The following USH2A variants were observed in gnomAD, a reference collection of about 807,000 sequenced individuals.
The protein encoded by USH2A is usherin, also known as Usher syndrome 2A (autosomal recessive, mild).
A neutral mutation model predicts 538.9 loss-of-function variants in USH2A; 443 were observed. That is an observed-to-expected ratio of 0.82 (90% confidence interval 0.76 to 0.89). The LOEUF (loss-of-function observed/expected upper bound fraction) is 0.89. Ranked by LOEUF, USH2A falls within the 40% of genes least tolerant of loss-of-function variation. The pLI is 0.00. For synonymous variants in USH2A, 2,413 were observed against 2,273.5 expected (o/e 1.06, Z -1.75); for missense variants, 6,633 against 6,324.8 (o/e 1.05, Z -1.65).
chr1:216,129,246 T>A (rs1008701602), intron 21 of USH2A, among the ~76,000 whole-genome samples: 11 of 152,076 alleles, frequency 7.2e-5, no homozygotes, highest in African/African-American at 2.7e-4. Context: ...TATACTGATG[T>A]TTTTCTTTTG....
intron 4 of USH2A, among the ~76,000 whole-genome samples, chr1:216,352,514 G>A (rs2038306651): frequency 6.6e-6 from 1 of 152,126 alleles, no homozygotes; most frequent in Non-Finnish European, 1.5e-5. Flanking sequence ...ACTGTAGATG[G>A]TGGAATTTGA....
In USH2A at chr1:215,782,129, G is replaced by A. The variant is rs1037753186; in HGVS notation, c.10653C>T (p.Phe3551=). The A allele has an allele frequency of 6.2e-7, 1 of 1,613,960 alleles. No individual in the cohort carries two copies. The highest frequency in any genetic ancestry group is 8.5e-7 in the Non-Finnish European group (1 of 1,179,890). ...ATGGTTGAATTCCCTCTTTATCAGA[G>A]AAGCTCAGTGATGTTCCCCGAAAAC... ...IERFRGTSLS[F]SDKEGIQPFQ... is the part of the protein sequence containing the mutation. The change falls in exon 54 of 72, where the codon TTC becomes TTT. Residue 3551 remains phenylalanine, a synonymous_variant. Coordinates refer to ENST00000307340, the MANE Select transcript of USH2A (RefSeq NM_206933.4).
chr1:215,777,838 T>C (rs760924124), intron 55 of USH2A, among the ~76,000 whole-genome samples: 46 of 152,290 alleles, frequency 3.0e-4, no homozygotes, highest in Non-Finnish European at 6.2e-4. Flanking sequence ...CTTTCAGATA[T>C]GATTATTAAA....
At chr1:216,178,222 C>A (rs1390411134) in intron 20 of USH2A, among the ~76,000 whole-genome samples, 1 of 152,102 alleles carries the variant, frequency 6.6e-6, no homozygotes, top group African/African-American at 2.4e-5. Flanking sequence ...ATTAACAATT[C>A]TGGTTATTTT....
chr1:215,646,774 G>A (rs1484794120), intron 67 of USH2A, among the ~76,000 whole-genome samples: 2 of 152,124 alleles, frequency 1.3e-5, no homozygotes, highest in Admixed American at 6.5e-5. Context: ...TGATTCACCC[G>A]CCTTGGCCTC....
chr1:216,030,686 A>C (rs1669102862), intron 32 of USH2A, among the ~76,000 whole-genome samples: 1 of 149,246 alleles, frequency 6.7e-6, no homozygotes, highest in South Asian at 2.1e-4. Flanking sequence ...TATCAAATAT[A>C]CTGTTAAAGA....
chr1:216,177,670 C>T (rs967952827), intron 20 of USH2A, among the ~76,000 whole-genome samples: 1 of 152,096 alleles, frequency 6.6e-6, no homozygotes, highest in Non-Finnish European at 1.5e-5. Context: ...GGGACACTGG[C>T]AATTCTTTGA....
intron 23 of USH2A, among the ~76,000 whole-genome samples, chr1:216,087,268 C>A (rs1450960363): frequency 6.6e-6 from 1 of 152,192 alleles, no homozygotes; most frequent in Non-Finnish European, 1.5e-5. Flanking sequence ...GCCCTACTTA[C>A]ATCTGTTCCC....
chr1:216,418,640 G>T lies in USH2A; in HGVS notation c.525C>A (p.Phe175Leu), dbSNP rs1470638182. 2 of 1,613,068 alleles carry T rather than the reference G, an allele frequency of 1.2e-6. No individual in the cohort carries two copies. The highest frequency in any genetic ancestry group is 2.2e-5 in the East Asian group (1 of 44,792). ...TCTCTTTCTCAGATATTGTAAGTTT[G>T]AACACAATCTGCCCATCTACTGTCT... ...IEKTVDGQIVFKLTISEKETM... is the reference protein window; with the variant it reads ...IEKTVDGQIVLKLTISEKETM... Residue 175 changes from phenylalanine (F) to leucine (L), a missense_variant, in exon 3 of 72, where the codon TTC (phenylalanine) becomes TTA (leucine). Phe to Leu is a conservative substitution (Grantham distance 22). Transcript: ENST00000307340.
At chr1:215,741,726 C>T (rs192054233) in intron 59 of USH2A, among the ~76,000 whole-genome samples, 189 bp from the exon 60 acceptor site, 180 of 151,792 alleles carry the variant, frequency 1.2e-3, no homozygotes, top group Admixed American at 3.9e-3. Context: ...TTTTGGAAAA[C>T]CCATTAATTA....
At chr1:216,258,360 G>A (rs1268349491) in intron 11 of USH2A, among the ~76,000 whole-genome samples, 1 of 152,056 alleles carries the variant, frequency 6.6e-6, no homozygotes, top group Non-Finnish European at 1.5e-5. Context: ...AGTGGAAATA[G>A]GCACATACCC....
chr1:215,855,673 A>C (rs1020215517), intron 44 of USH2A, among the ~76,000 whole-genome samples: 6 of 152,156 alleles, frequency 3.9e-5, no homozygotes, highest in Non-Finnish European at 8.8e-5. Flanking sequence ...TCTTCACAGA[A>C]CTTGAAAAAA....
chr1:215,685,569 G>C (rs908523685), intron 61 of USH2A, among the ~76,000 whole-genome samples: 1 of 151,952 alleles, frequency 6.6e-6, no homozygotes, highest in Non-Finnish European at 1.5e-5. Context: ...TCTTAGCCAG[G>C]TTGGTCTTGA....
At chr1:216,031,063 T>C (rs1210324939) in intron 32 of USH2A, among the ~76,000 whole-genome samples, 2 of 152,054 alleles carry the variant, frequency 1.3e-5, no homozygotes, top group African/African-American at 2.4e-5. Flanking sequence ...CATTTCTCTA[T>C]ATCATTTACA....
chr1:216,384,909 C>A (rs1331510566), intron 3 of USH2A, among the ~76,000 whole-genome samples: 1 of 152,162 alleles, frequency 6.6e-6, no homozygotes, highest in East Asian at 1.9e-4. Flanking sequence ...AGGCGCTTAA[C>A]TTCATTCTGT....
In USH2A at chr1:216,198,351, A is replaced by G. The variant is rs761656866; in HGVS notation, c.4045T>C (p.Ser1349Pro). 1.9e-6 allele frequency: 3 copies of G among 1,614,048 alleles called. No homozygotes were observed. Among genetic ancestry groups the G allele is most frequent in the Non-Finnish European group, 1.7e-6 (2 of 1,179,966 alleles). ...GTTCTTTCTGAGACCCAGGCAGAAG[A>G]CACACTTCCAGCCATATTCACAGCT... ...VLAVNMAGSV[S>P]SAWVSERTGE... Residue 1349 changes from serine to proline, a missense_variant, in exon 18 of 72, where the codon TCT becomes CCT. Physicochemically the swap from Ser to Pro is moderately conservative, Grantham distance 74. Transcript: ENST00000307340.
At chr1:215,838,686 T>G (rs754004060) in intron 46 of USH2A, among the ~76,000 whole-genome samples, 1 of 152,016 alleles carries the variant, frequency 6.6e-6, no homozygotes, top group Non-Finnish European at 1.5e-5. Context: ...CCACCTAATC[T>G]GAATAAAAAC....
At chr1:216,145,544 G>A (rs545192421) in intron 21 of USH2A, among the ~76,000 whole-genome samples, 1 of 152,302 alleles carries the variant, frequency 6.6e-6, no homozygotes, top group African/African-American at 2.4e-5. Context: ...CAGAAAAACA[G>A]CAGTATAACA....
chr1:216,360,943 A>G (rs1001618570), intron 4 of USH2A, among the ~76,000 whole-genome samples: 1 of 152,136 alleles, frequency 6.6e-6, no homozygotes, highest in Non-Finnish European at 1.5e-5. Flanking sequence ...AAATTCATAT[A>G]TAATAGCCAA....
Sources: gnomAD v4.1 joint callset for allele counts (sites outside exome capture counted in the v4.1 genomes callset) on GRCh38, gnomAD v4.1.1 for gene constraint, MANE v1.5 for transcripts, NCBI Gene and HGNC (gene_info 2026-07-23, HGNC 2026-07-21) for gene names.